STXBP6: variants seen among roughly 807,000 people sequenced by gnomAD.
STXBP6 encodes syntaxin-binding protein 6.
In STXBP6, 21 loss-of-function variants were observed where a neutral mutation model predicts 26.9. The ratio of observed to expected loss-of-function variants is 0.78; its 90% CI spans 0.55 to 1.12. STXBP6 has a LOEUF of 1.12. STXBP6 is among the 50% of genes most tolerant of loss of function. STXBP6 has a pLI of 0.00. For synonymous variants in STXBP6, 97 were observed against 92.6 expected (o/e 1.05, Z -0.27); for missense variants, 232 against 257.9 (o/e 0.90, Z 0.69).
chr14:24,845,574 C>A lies in STXBP6; in HGVS notation c.451+10362G>T, dbSNP rs181980391. Among the ~76,000 whole-genome samples, 72 of 152,072 alleles carry A rather than the reference C, an allele frequency of 4.7e-4. No individual in the cohort carries two copies. The East Asian group carries it at 0.011, about 24-fold the overall frequency. On this transcript the variant is annotated intron_variant, in intron 4 of 5. Coordinates refer to ENST00000323944, the MANE Select transcript of STXBP6 (RefSeq NM_001394410.1). ...AGCAGAAGTAATATAGTCTATAGGA[C>A]ATATATAAAAGTATATCTTATAAAA...
intron 2 of STXBP6, among the ~76,000 whole-genome samples, chr14:24,931,503 T>A (rs186915525): frequency 2.6e-5 from 4 of 152,348 alleles, no homozygotes; most frequent in African/African-American, 9.6e-5. Context: ...TTGGTAGAGT[T>A]AGGTTTATTT....
At chr14:24,941,854 G>C (rs998021445) in intron 2 of STXBP6, among the ~76,000 whole-genome samples, 1 of 152,220 alleles carries the variant, frequency 6.6e-6, no homozygotes, top group African/African-American at 2.4e-5. Flanking sequence ...ACTAATACAA[G>C]TGAATGCTTC....
At chr14:24,824,826 G>T (rs2068236116) in intron 4 of STXBP6, among the ~76,000 whole-genome samples, 1 of 152,174 alleles carries the variant, frequency 6.6e-6, no homozygotes. Context: ...AGGTACTATG[G>T]TAAGATGTTA....
chr14:24,955,347 C>T (rs1185792747), intron 2 of STXBP6, among the ~76,000 whole-genome samples: 1 of 152,170 alleles, frequency 6.6e-6, no homozygotes. Flanking sequence ...CACTCATCCA[C>T]ATTCTTCTGC....
intron 1 of STXBP6, among the ~76,000 whole-genome samples, chr14:25,030,392 C>T (rs139388210): frequency 6.6e-6 from 1 of 152,194 alleles, no homozygotes; most frequent in African/African-American, 2.4e-5. Context: ...TTCCCAGCAC[C>T]CTTTATTCTA....
chr14:24,836,025 C>T (rs535754496), intron 4 of STXBP6, among the ~76,000 whole-genome samples: 26 of 152,344 alleles, frequency 1.7e-4, no homozygotes, highest in African/African-American at 6.3e-4. Flanking sequence ...CAGGGAGAAG[C>T]AGGGCAGTAG....
chr14:24,943,144 G>A (rs556066817), intron 2 of STXBP6, among the ~76,000 whole-genome samples: 1 of 152,170 alleles, frequency 6.6e-6, no homozygotes, highest in African/African-American at 2.4e-5. Context: ...AGGCAAGAAG[G>A]CTGGGAAATC....
intron 4 of STXBP6, among the ~76,000 whole-genome samples, chr14:24,825,573 A>G (rs552399440): frequency 1.3e-5 from 2 of 152,332 alleles, no homozygotes; most frequent in African/African-American, 4.8e-5. Context: ...CAAGAGAAGA[A>G]TGGACCATTC....
intron 2 of STXBP6, among the ~76,000 whole-genome samples, chr14:24,924,761 G>T (rs914251189): frequency 2.0e-5 from 3 of 152,150 alleles, no homozygotes; most frequent in African/African-American, 7.2e-5. Context: ...AATCAGTGGG[G>T]GACCCATACA....
chr14:24,922,463 G>T (rs1398481370), intron 2 of STXBP6, among the ~76,000 whole-genome samples: 1 of 152,036 alleles, frequency 6.6e-6, no homozygotes, highest in Non-Finnish European at 1.5e-5. Flanking sequence ...GAGCCCAAGG[G>T]TATATCTTCC....
chr14:24,894,950 TG>T (rs2070935663), intron 2 of STXBP6, among the ~76,000 whole-genome samples: 1 of 152,130 alleles, frequency 6.6e-6, no homozygotes, highest in African/African-American at 2.4e-5. Flanking sequence ...CATATCCCAC[TG>T]GTTTTATGAT....
At chr14:24,915,073 T>C (rs1286921895) in intron 2 of STXBP6, among the ~76,000 whole-genome samples, 2 of 152,192 alleles carry the variant, frequency 1.3e-5, no homozygotes, top group African/African-American at 2.4e-5. Context: ...CAATTTGTCA[T>C]GTTTCTCAGA....
chr14:24,999,445 G>A (rs2074694323), intron 1 of STXBP6, among the ~76,000 whole-genome samples: 2 of 152,166 alleles, frequency 1.3e-5, no homozygotes, highest in Admixed American at 6.5e-5. Flanking sequence ...AACATGTATT[G>A]ATTGTCCATG....
At chr14:24,867,080 A>T (rs910613019) in intron 2 of STXBP6, among the ~76,000 whole-genome samples, 19 of 152,100 alleles carry the variant, frequency 1.2e-4, no homozygotes, top group African/African-American at 4.3e-4. Flanking sequence ...TCCCCATTGC[A>T]ACAGTATTAA....
At chr14:25,011,873 C>T (rs574684636) in intron 1 of STXBP6, among the ~76,000 whole-genome samples, 1 of 152,324 alleles carries the variant, frequency 6.6e-6, no homozygotes, top group Non-Finnish European at 1.5e-5. Flanking sequence ...GCAAGGCAGG[C>T]TCTTCTCTGG....
chr14:24,943,124 G>A (rs976503119), intron 2 of STXBP6, among the ~76,000 whole-genome samples: 1 of 152,156 alleles, frequency 6.6e-6, no homozygotes, highest in East Asian at 1.9e-4. Context: ...GGCACTGGGG[G>A]TGGGGTGTGA....
chr14:24,915,129 C>G (rs2071716216), intron 2 of STXBP6, among the ~76,000 whole-genome samples: 1 of 152,160 alleles, frequency 6.6e-6, no homozygotes, highest in African/African-American at 2.4e-5. Flanking sequence ...ACTGTCTACA[C>G]AGGTCAGACT....
chr14:24,954,560 G>A (rs1015803248), intron 2 of STXBP6, among the ~76,000 whole-genome samples: 1 of 152,158 alleles, frequency 6.6e-6, no homozygotes, highest in Non-Finnish European at 1.5e-5. Context: ...GGAGGGGAAA[G>A]CAGCACTAAG....
chr14:24,930,893 T>C (rs2072362321), intron 2 of STXBP6, among the ~76,000 whole-genome samples: 2 of 147,524 alleles, frequency 1.4e-5, no homozygotes, highest in Admixed American at 6.7e-5. Flanking sequence ...GGGTGGATCA[T>C]GAGGTCAGGA....
Sources: gnomAD v4.1 joint callset for allele counts (sites outside exome capture counted in the v4.1 genomes callset) on GRCh38, gnomAD v4.1.1 for gene constraint, MANE v1.5 for transcripts, NCBI Gene and HGNC (gene_info 2026-07-23, HGNC 2026-07-21) for gene names.